SLC22A9: variants seen among roughly 807,000 people sequenced by gnomAD.
SLC22A9 encodes the protein solute carrier family 22 member 9.
Under a neutral mutation model 50.1 loss-of-function variants are expected in SLC22A9, and 64 were observed. The ratio of observed to expected loss-of-function variants is 1.28; its 90% CI spans 1.04 to 1.57. SLC22A9 has a LOEUF of 1.57. SLC22A9 is among the 40% of genes most tolerant of loss of function. The pLI, the probability that SLC22A9 is intolerant of heterozygous loss-of-function variation, is 0.00. For synonymous variants in SLC22A9, 261 were observed against 242.5 expected (o/e 1.08, Z -0.71); for missense variants, 757 against 676.1 (o/e 1.12, Z -1.33).
At position 63,369,798 on chromosome 11, in the gene SLC22A9, T is replaced by C; in HGVS notation, c.-259T>C. 2.4e-6 allele frequency: 1 copy of C among 419,430 alleles called. No individual in the cohort carries two copies. Among genetic ancestry groups the C allele is most frequent in the Non-Finnish European group, 4.2e-6 (1 of 237,436 alleles). The allele number at this position is 419,430 out of a possible 1,614,324, so 26.0% of individuals were successfully genotyped here. ...AAGTAGAATTTTAAACACATTTCAT[T>C]GTAAACGACTGGGAGTATCTGAGCA... On this transcript the variant is annotated 5_prime_UTR_variant, in exon 1 of 10. Transcript: ENST00000279178.
At chr11:63,376,386 C>T (rs1036503340) in intron 5 of SLC22A9, among the ~76,000 whole-genome samples, 10 of 151,836 alleles carry the variant, frequency 6.6e-5, no homozygotes, top group Admixed American at 1.3e-4. Flanking sequence ...CATTTTAATC[C>T]ACCCCAGATC....
chr11:63,409,669 G>T, intron 9 of SLC22A9, 133 bp from the exon 10 acceptor site: 1 of 839,252 alleles, frequency 1.2e-6, no homozygotes, highest in Non-Finnish European at 1.9e-6. Flanking sequence ...CAATCCCTTG[G>T]GGGCAGAGAT....
At position 63,395,693 on chromosome 11, in the gene SLC22A9, C is replaced by T. The variant is rs575374235; in HGVS notation, c.1074-10804C>T. On this transcript the variant is annotated intron_variant, in intron 6 of 9. Transcript: ENST00000279178. The stretch of plus-strand genomic sequence containing the variant: ...AATGTTCTATTTTTGTGCTGGTTGG[C>T]CTCCTGGCTGGGGGTGGCACTTTCC... Among the ~76,000 whole-genome samples the T allele has an allele frequency of 1.5e-4, 23 of 152,246 alleles. 1 individual carries two copies. In the South Asian group the frequency reaches 3.9e-3, roughly 26 times the overall value.
chr11:63,406,375 A>G, intron 6 of SLC22A9, 122 bp from the exon 7 acceptor site: 1 of 791,032 alleles, frequency 1.3e-6, no homozygotes, highest in South Asian at 1.8e-5. Context: ...AAAATATTCC[A>G]TGAAATAGAC....
rs769522384 is a variant in SLC22A9, at chr11:63,374,108, G to C, written c.830+46G>C. 6 of 1,535,478 alleles carry C rather than the reference G, an allele frequency of 3.9e-6. 1 individual carries two copies. Among genetic ancestry groups the C allele is most frequent in the Non-Finnish European group, 5.3e-6 (6 of 1,138,232 alleles). On this transcript the variant is annotated intron_variant, in intron 4 of 9. Coordinates refer to ENST00000279178, the MANE Select transcript of SLC22A9 (RefSeq NM_080866.3). ...TTGTCTTAATGAGATATTGGAATGA[G>C]AATGTATGTGGAACTAGGACACCTG...
chr11:63,398,250 C>T (rs2119985650), intron 6 of SLC22A9, among the ~76,000 whole-genome samples: 1 of 152,230 alleles, frequency 6.6e-6, no homozygotes, highest in East Asian at 1.9e-4. Context: ...ATCCATGTTG[C>T]AAGACAAAGT....
At position 63,371,194 on chromosome 11, in the gene SLC22A9, T is replaced by A. The variant is rs1018815701; in HGVS notation, c.462T>A (p.Ala154=). Residue 154 remains alanine (A), a synonymous_variant, in exon 2 of 10, where the codon GCT becomes GCA. Transcript: ENST00000279178. Reference sequence around the variant, plus strand: ...CAGTGGCTAAATTTGTATTCATGGCTGGAATGATGGTGGGAGGCATCCTAG... The same window carrying A: ...CAGTGGCTAAATTTGTATTCATGGCAGGAATGATGGTGGGAGGCATCCTAG... ...LTSVAKFVFM[A]GMMVGGILGG... 4 of 1,613,346 alleles carry A rather than the reference T, an allele frequency of 2.5e-6. No homozygotes were observed.
At chr11:63,386,887 G>C (rs1565185064) in intron 6 of SLC22A9, among the ~76,000 whole-genome samples, 1 of 151,190 alleles carries the variant, frequency 6.6e-6, no homozygotes, top group East Asian at 1.9e-4. Context: ...TTGTATCGCT[G>C]TCTCCTTCAG....
chr11:63,408,022 C>T (rs1482053802), intron 7 of SLC22A9, 90 bp from the exon 8 acceptor site: 1 of 1,021,688 alleles, frequency 9.8e-7, no homozygotes, highest in African/African-American at 1.6e-5. Context: ...CTTGCAAACA[C>T]CTCCAATACA....
rs752669455 is a variant in SLC22A9 at position 63,375,746 on chromosome 11, C to T, written c.932C>T (p.Ala311Val). The T allele has an allele frequency of 4.3e-6, 7 of 1,611,940 alleles. No homozygotes were observed. In the Admixed American group the frequency reaches 1.2e-4, roughly 27 times the overall value. ...KAAHRSGMKN[A>V]RDTLTLEILK... Reference sequence around the variant, plus strand: ...GCACACAGGAGTGGAATGAAGAATGCCAGAGACACCCTAACCCTGGAGGTG... The same window carrying T: ...GCACACAGGAGTGGAATGAAGAATGTCAGAGACACCCTAACCCTGGAGGTG... Residue 311 changes from alanine (A) to valine (V), a missense_variant, in exon 5 of 10, where the codon GCC becomes GTC. By Grantham distance (64) the Ala-to-Val change is moderately conservative. Transcript: ENST00000279178.
At chr11:63,397,668 G>A (rs148963299) in intron 6 of SLC22A9, among the ~76,000 whole-genome samples, 43 of 152,132 alleles carry the variant, frequency 2.8e-4, no homozygotes, top group East Asian at 1.2e-3. Context: ...ACCACCCCAC[G>A]TTTATGGTAA....
intron 9 of SLC22A9, among the ~76,000 whole-genome samples, chr11:63,409,260 T>C (rs996775913): frequency 6.6e-6 from 1 of 152,190 alleles, no homozygotes; most frequent in African/African-American, 2.4e-5. Flanking sequence ...AGTGGGTACC[T>C]GTAAGCTGTC....
Position 63,373,946 on chromosome 11 carries a change from G to A in SLC22A9, c.714G>A (p.Met238Ile), listed in dbSNP as rs1243855842. The A allele has an allele frequency of 6.2e-7, 1 of 1,613,682 alleles. No individual in the cohort carries two copies. The highest frequency in any genetic ancestry group is 1.7e-5 in the Admixed American group (1 of 59,902). ...AGGCCATGGGAATTACATTGGGAAT[G>A]TGCCCTTCTGGTATTGCATTTATGA... ...RFQAMGITLG[M>I]CPSGIAFMTL... Residue 238 changes from methionine (M) to isoleucine (I), a missense_variant, in exon 4 of 10, where the codon ATG becomes ATA. Coordinates refer to ENST00000279178, the MANE Select transcript of SLC22A9 (RefSeq NM_080866.3).
chr11:63,406,777 C>T, intron 7 of SLC22A9, 66 bp downstream of exon 7: 3 of 1,513,258 alleles, frequency 2.0e-6, no homozygotes, highest in Non-Finnish European at 2.7e-6. Flanking sequence ...TTGTACTTGT[C>T]ACACCTATCT....
At chr11:63,382,465 C>T (rs2014584062) in intron 6 of SLC22A9, among the ~76,000 whole-genome samples, 188 bp downstream of exon 6, 1 of 152,152 alleles carries the variant, frequency 6.6e-6, no homozygotes, top group South Asian at 2.1e-4. Context: ...TTAATTTATG[C>T]AATAGTTTTT....
rs1165358580 is a variant in SLC22A9, at chr11:63,376,305, G to C, written c.954+537G>C. ...CAATCCAAATCCCTATTTGTCTGGA[G>C]TTTCATTATACTTACTTACTATAAG... is the stretch of plus-strand genomic sequence containing the variant. On this transcript the variant is annotated intron_variant, in intron 5 of 9. Transcript: ENST00000279178. Among the ~76,000 whole-genome samples the C allele has an allele frequency of 2.0e-5, 3 of 152,138 alleles. No homozygotes were observed. The East Asian group carries it at 5.8e-4, about 29-fold the overall frequency.
At chr11:63,381,827 A>G (rs2014566121) in intron 5 of SLC22A9, among the ~76,000 whole-genome samples, 1 of 152,180 alleles carries the variant, frequency 6.6e-6, no homozygotes, top group Non-Finnish European at 1.5e-5. Context: ...GCTTTGGACT[A>G]TAATCCAATA....
At chr11:63,405,123 CAAT>C (rs753994353) in intron 6 of SLC22A9, among the ~76,000 whole-genome samples, 62 of 151,172 alleles carry the variant, frequency 4.1e-4, no homozygotes, top group Admixed American at 9.3e-4. Context: ...GAAATAATAA[CAAT>C]AATAATAATA....
Position 63,370,264 on chromosome 11 carries a change from G to T in SLC22A9, c.208G>T (p.Asp70Tyr), listed in dbSNP as rs2014327188. The T allele has an allele frequency of 6.2e-7, 1 of 1,614,052 alleles. No individual in the cohort carries two copies. Among genetic ancestry groups the T allele is most frequent in the Non-Finnish European group, 8.5e-7 (1 of 1,179,936 alleles). ...CAATGACACTGGGGCCCTCAGCCAAGATGCACTCTTGAGAATCTCCATCCC... is the reference window on the plus strand; with the variant it reads ...CAATGACACTGGGGCCCTCAGCCAATATGCACTCTTGAGAATCTCCATCCC... The part of the protein sequence containing the change: ...SDNDTGALSQ[D>Y]ALLRISIPLD... The change falls in exon 1 of 10, where the codon GAT becomes TAT. Residue 70 changes from aspartate (D) to tyrosine (Y), a missense_variant. By Grantham distance (160) the Asp-to-Tyr change is radical. Coordinates refer to ENST00000279178, the MANE Select transcript of SLC22A9 (RefSeq NM_080866.3).
Sources: gnomAD v4.1 joint callset for allele counts (sites outside exome capture counted in the v4.1 genomes callset) on GRCh38, gnomAD v4.1.1 for gene constraint, MANE v1.5 for transcripts, NCBI Gene and HGNC (gene_info 2026-07-23, HGNC 2026-07-21) for gene names.